The following GABRG3 variants were observed in gnomAD, a reference collection of about 807,000 sequenced individuals.
The protein encoded by GABRG3 is gamma-aminobutyric acid receptor subunit gamma-3.
A neutral mutation model predicts 48.8 loss-of-function variants in GABRG3; 25 were observed. The observed-to-expected ratio is 0.51, with a 90% confidence interval of 0.37 to 0.72. The LOEUF (loss-of-function observed/expected upper bound fraction) is 0.72, where lower values mean the gene tolerates loss of function less well. Ranked by LOEUF, GABRG3 falls within the 30% of genes least tolerant of loss-of-function variation. GABRG3 has a pLI of 0.00. For synonymous variants in GABRG3, 227 were observed against 217.6 expected, an observed-to-expected ratio of 1.04 and a Z score of -0.38; for missense variants, 394 against 577.9, an observed-to-expected ratio of 0.68 and a Z score of 3.26.
intron 5 of GABRG3, among the ~76,000 whole-genome samples, chr15:27,404,306 C>T (rs190757537): frequency 8.9e-4 from 136 of 152,284 alleles, no homozygotes; most frequent in Non-Finnish European, 1.7e-3. Flanking sequence ...TTCTCTGGTA[C>T]CTGGGCTGGC....
At chr15:27,003,477 G>A (rs1241420242) in intron 2 of GABRG3, among the ~76,000 whole-genome samples, 1 of 151,720 alleles carries the variant, frequency 6.6e-6, no homozygotes, top group African/African-American at 2.4e-5. Flanking sequence ...ATCTTGCACC[G>A]CCCTTAATCC....
chr15:27,433,571 T>C (rs1888519758), intron 5 of GABRG3, among the ~76,000 whole-genome samples: 1 of 152,236 alleles, frequency 6.6e-6, no homozygotes, highest in Non-Finnish European at 1.5e-5. Context: ...ACTCTGTCAT[T>C]CTGGAAGAGC....
chr15:27,394,768 A>G (rs1887249836), intron 5 of GABRG3, among the ~76,000 whole-genome samples: 1 of 152,170 alleles, frequency 6.6e-6, no homozygotes, highest in Non-Finnish European at 1.5e-5. Flanking sequence ...TGTTAAATAT[A>G]TCATCCCATT....
At chr15:27,463,394 A>G (rs1265927326) in intron 5 of GABRG3, among the ~76,000 whole-genome samples, 14 of 152,226 alleles carry the variant, frequency 9.2e-5, no homozygotes, top group African/African-American at 3.1e-4. Context: ...AAATATTTCA[A>G]TCAGAATTCC....
intron 5 of GABRG3, among the ~76,000 whole-genome samples, chr15:27,332,499 A>C (rs973975200): frequency 6.6e-6 from 1 of 152,054 alleles, no homozygotes; most frequent in Non-Finnish European, 1.5e-5. Flanking sequence ...ACGCCACTGC[A>C]CTCCAGCCTG....
intron 3 of GABRG3, among the ~76,000 whole-genome samples, chr15:27,085,625 A>G (rs775108414): frequency 2.6e-5 from 4 of 152,210 alleles, no homozygotes; most frequent in Non-Finnish European, 5.9e-5. Context: ...CATAACATCA[A>G]TTATTCTAAC....
At chr15:27,199,450 A>G (rs930222526) in intron 3 of GABRG3, among the ~76,000 whole-genome samples, 2 of 152,052 alleles carry the variant, frequency 1.3e-5, no homozygotes, top group Non-Finnish European at 2.9e-5. Context: ...TGTAGTTTGG[A>G]TATCTGTCCC....
chr15:27,154,282 G>A (rs895833191), intron 3 of GABRG3, among the ~76,000 whole-genome samples: 1 of 152,084 alleles, frequency 6.6e-6, no homozygotes, highest in Non-Finnish European at 1.5e-5. Context: ...TGTATCTTCA[G>A]GCTGACTAAA....
intron 3 of GABRG3, among the ~76,000 whole-genome samples, chr15:27,191,608 A>G (rs926436824): frequency 7.9e-5 from 12 of 152,116 alleles, no homozygotes; most frequent in African/African-American, 2.9e-4. Flanking sequence ...TTTTGAGCCT[A>G]TGTGTGTCTC....
rs145435658 is a variant in GABRG3, at chr15:27,222,369, G to A, written c.271-104440G>A. On this transcript the variant is annotated intron_variant, in intron 3 of 9. Transcript: ENST00000615808. The stretch of plus-strand genomic sequence containing the variant: ...AAAGTGCTTAGAAGAGTACCTGAGA[G>A]ATACTTAATACCAAATAAGTATTAC... Among the ~76,000 whole-genome samples, 50 of 152,352 alleles carry A rather than the reference G, an allele frequency of 3.3e-4. No individual in the cohort carries two copies. The Middle Eastern group carries it at 0.014, about 41-fold the overall frequency.
intron 5 of GABRG3, among the ~76,000 whole-genome samples, chr15:27,395,187 A>T (rs1377853175): frequency 2.0e-5 from 3 of 152,054 alleles, no homozygotes; most frequent in African/African-American, 7.2e-5. Flanking sequence ...ATCTCAATTG[A>T]CCTATCTTAA....
intron 3 of GABRG3, among the ~76,000 whole-genome samples, chr15:27,270,328 C>T (rs1473514132): frequency 1.3e-5 from 2 of 152,080 alleles, no homozygotes; most frequent in South Asian, 2.1e-4. Context: ...CTTTAAAATA[C>T]GAACGTTGGT....
chr15:26,998,263 T>C (rs546378350), intron 2 of GABRG3, among the ~76,000 whole-genome samples: 112 of 149,206 alleles, frequency 7.5e-4, no homozygotes, highest in African/African-American at 2.6e-3. Context: ...TCAAGAGCTT[T>C]GTTGTTTTCA....
intron 3 of GABRG3, among the ~76,000 whole-genome samples, chr15:27,284,179 A>G (rs558780936): frequency 3.1e-4 from 47 of 152,320 alleles, no homozygotes; most frequent in Admixed American, 1.6e-3. Context: ...AAAATAAATG[A>G]CAAACTAAGC....
intron 6 of GABRG3, among the ~76,000 whole-genome samples, chr15:27,501,624 A>G (rs1417352140): frequency 6.6e-6 from 1 of 152,100 alleles, no homozygotes; most frequent in Admixed American, 6.5e-5. Context: ...CACCCATGAA[A>G]AATCCTGAAG....
intron 3 of GABRG3, among the ~76,000 whole-genome samples, chr15:27,219,545 T>C (rs1889380543): frequency 6.6e-6 from 1 of 152,150 alleles, no homozygotes; most frequent in African/African-American, 2.4e-5. Context: ...TGTCCATGGA[T>C]CCTGTGGCCC....
At chr15:27,077,670 T>C (rs1896931399) in intron 3 of GABRG3, among the ~76,000 whole-genome samples, 1 of 152,196 alleles carries the variant, frequency 6.6e-6, no homozygotes, top group Non-Finnish European at 1.5e-5. Context: ...TGGGTAAAGA[T>C]GGAAGCAACC....
At chr15:27,095,105 G>A (rs909420813) in intron 3 of GABRG3, among the ~76,000 whole-genome samples, 10 of 152,104 alleles carry the variant, frequency 6.6e-5, no homozygotes, top group Non-Finnish European at 1.2e-4. Flanking sequence ...TCGCCACACC[G>A]ATGTCTCCCA....
intron 5 of GABRG3, among the ~76,000 whole-genome samples, chr15:27,410,772 T>C (rs1307692939): frequency 6.6e-6 from 1 of 152,106 alleles, no homozygotes; most frequent in Non-Finnish European, 1.5e-5. Flanking sequence ...GAATTCTTGG[T>C]TAGCAGTCTT....
Sources: allele counts gnomAD v4.1 joint callset (sites outside exome capture counted in the v4.1 genomes callset), GRCh38; gene constraint gnomAD v4.1.1; transcripts MANE v1.5; gene names NCBI Gene and HGNC (gene_info 2026-07-23, HGNC 2026-07-21).